Variants in CASKIN2 observed in about 807,000 individuals in gnomAD.
CASKIN2 encodes the protein CASK interacting protein 2, also known as caskin-2.
In CASKIN2, 41 loss-of-function variants were observed where a neutral mutation model predicts 107.1. The ratio of observed to expected loss-of-function variants is 0.38; its 90% CI spans 0.30 to 0.50. The LOEUF (loss-of-function observed/expected upper bound fraction) is 0.50. Among genes scored for constraint, CASKIN2 ranks in the 20% least tolerant of loss-of-function variants. CASKIN2 has a pLI of 0.92. For synonymous variants in CASKIN2, 724 were observed against 705.6 expected (o/e 1.03, Z -0.41); for missense variants, 1,546 against 1,657.4 (o/e 0.93, Z 1.17).
Position 75,502,871 on chromosome 17 carries a change from C to G in CASKIN2, c.2203G>C (p.Gly735Arg), listed in dbSNP as rs2053217669. 1 of 1,544,354 alleles carries G rather than the reference C, an allele frequency of 6.5e-7. No individual in the cohort carries two copies. Among genetic ancestry groups the G allele is most frequent in the East Asian group, 2.3e-5 (1 of 44,276 alleles). ...CAAAGCTTAGGGGGCCGCTCTGTGC[C>G]CTCTGGGAGGTTCCTCTCCTGGGGG... ...SPPQERNLPEGTERPPKLCSS... is the reference protein window; with the variant it reads ...SPPQERNLPERTERPPKLCSS... Residue 735 changes from glycine to arginine, a missense_variant, in exon 18 of 20, where the codon GGC becomes CGC. Gly to Arg is a moderately radical substitution (Grantham distance 125). This residue lies in a region of CASKIN2 where 1,311 missense variants were observed against 1,311.0 expected (regional missense o/e 1.00). Transcript: ENST00000321617. The surrounding 1 kb of genome is among the most constrained non-coding windows in gnomAD (Gnocchi z 4.3).
chr17:75,513,450 T>C (rs890528872), intron 2 of CASKIN2, among the ~76,000 whole-genome samples: 14 of 152,062 alleles, frequency 9.2e-5, no homozygotes, highest in African/African-American at 3.4e-4. Context: ...TCAATAACAA[T>C]GTGAATGAAC....
chr17:75,501,486 C>G lies in CASKIN2; in HGVS notation c.3500G>C (p.Gly1167Ala), dbSNP rs1444282603. The G allele has an allele frequency of 1.2e-6, 2 of 1,610,942 alleles. No individual in the cohort carries two copies. Among genetic ancestry groups the G allele is most frequent in the African/African-American group, 2.7e-5 (2 of 74,900 alleles). Residue 1167 changes from glycine to alanine, a missense_variant, in exon 19 of 20, where the codon GGC (glycine) becomes GCC (alanine). This residue lies in a region of CASKIN2 where 1,311 missense variants were observed against 1,311.0 expected (regional missense o/e 1.00). Transcript: ENST00000321617. ...CCCTCACCCCTCTTGCTCCTTGGTG[C>G]CAATGCTCTTCTCTGCGGCTCTCAG... ...AALRAAEKSI[G>A]TKEQEGTPSA...
In CASKIN2 at chr17:75,507,052, C is replaced by T. The variant is rs1249472242; in HGVS notation, c.322G>A (p.Val108Ile). ...VRLLLRASAA[V>I]NAASLDGQIP... ...TGTCCGTCCAGCGAGGCGGCATTGA[C>T]AGCCGCAGAGGCGCGCAGCAGCAGC... Residue 108 changes from valine (V) to isoleucine (I), a missense_variant, in exon 5 of 20, where the codon GTC becomes ATC. Physicochemically the swap from Val to Ile is conservative, Grantham distance 29. Coordinates refer to ENST00000321617, the MANE Select transcript of CASKIN2 (RefSeq NM_020753.5). The T allele has an allele frequency of 1.2e-6, 2 of 1,612,568 alleles. No homozygotes were observed. Among genetic ancestry groups the T allele is most frequent in the Non-Finnish European group, 1.7e-6 (2 of 1,179,906 alleles).
Position 75,501,844 on chromosome 17 carries a change from C to G in CASKIN2, c.3230G>C (p.Ser1077Thr). 1 of 1,559,046 alleles carries G rather than the reference C, an allele frequency of 6.4e-7. No homozygotes were observed. Among genetic ancestry groups the G allele is most frequent in the Non-Finnish European group, 8.7e-7 (1 of 1,154,660 alleles). ...PGPGLESSAA[S>T]RWNGETEPPA... is the part of the protein sequence containing the mutation. ...GGGTTCTGTCTCCCCATTCCACCGA[C>G]TAGCTGCTGAGCTTTCCAGACCTGG... Residue 1077 changes from serine (S) to threonine (T), a missense_variant, in exon 18 of 20, where the codon AGT becomes ACT. This residue lies in a region of CASKIN2 where 1,311 missense variants were observed against 1,311.0 expected (regional missense o/e 1.00). Coordinates refer to ENST00000321617, the MANE Select transcript of CASKIN2 (RefSeq NM_020753.5).
rs1200356052 is a variant in CASKIN2 at position 75,502,425 on chromosome 17, G to A, written c.2649C>T (p.Ser883=). The stretch of plus-strand genomic sequence containing the variant: ...TCTCATCTAGTGGAGGTGGCTCCGG[G>A]CTGGGGCCAGAGACGGAGCTGAGGC... ...PKRLSSVSGP[S]PEPPPLDESP... is the part of the protein sequence containing the mutation. The change falls in exon 18 of 20, where the codon AGC becomes AGT. Residue 883 remains serine, a synonymous_variant. Transcript: ENST00000321617. This position sits in a 1 kb window ranked among gnomAD's most constrained non-coding sequence, Gnocchi z 4.3. 1.4e-6 allele frequency: 2 copies of A among 1,456,918 alleles called. No homozygotes were observed. Among genetic ancestry groups the A allele is most frequent in the Non-Finnish European group, 1.8e-6 (2 of 1,102,458 alleles). 90.2% of individuals were successfully genotyped at this position (1,456,918 alleles called of 1,614,324 possible). A position where few individuals can be genotyped will look rare whatever the true frequency, so the allele number is the denominator to read the frequency against.
At chr17:75,507,913 G>A in intron 3 of CASKIN2, 2 of 582,938 alleles carry the variant, frequency 3.4e-6, no homozygotes, top group South Asian at 4.3e-5. Context: ...CTGGCCCAGG[G>A]GAGGGGGCCG....
Position 75,500,954 on chromosome 17 carries a change from G to T in CASKIN2, c.*126C>A. 2.3e-6 allele frequency: 2 copies of T among 878,636 alleles called. No individual in the cohort carries two copies. The highest frequency in any genetic ancestry group is 3.6e-6 in the Non-Finnish European group (2 of 562,602). 54.4% of individuals were successfully genotyped at this position (878,636 alleles called of 1,614,324 possible). Reference sequence around the variant, plus strand: ...ACAGCCGCGGGCTGAGTGGGAAGGGGCCCTGCTAGGAGGGGCACTTCAGCC... The same window carrying T: ...ACAGCCGCGGGCTGAGTGGGAAGGGTCCCTGCTAGGAGGGGCACTTCAGCC... On this transcript the variant is annotated 3_prime_UTR_variant, in exon 20 of 20. Coordinates refer to ENST00000321617, the MANE Select transcript of CASKIN2 (RefSeq NM_020753.5).
chr17:75,507,730 C>T (rs2053280492), intron 3 of CASKIN2, 49 bp from the exon 4 acceptor site: 1 of 1,427,668 alleles, frequency 7.0e-7, no homozygotes, highest in South Asian at 1.2e-5. Context: ...CAGCCCCCAC[C>T]CCCAAATCCT....
rs1291515719 is a variant in CASKIN2 at position 75,507,091 on chromosome 17, G to A, written c.283C>T (p.Leu95=). ...PLHYAAWQGR[L]EPVRLLLRAS... is the part of the protein sequence containing the mutation. Reference sequence around the variant, plus strand: ...CGCAGCAGCAGCCTCACAGGCTCCAGCCGGCCCTGCCAGGCTGCGTAGTGC... The same window carrying A: ...CGCAGCAGCAGCCTCACAGGCTCCAACCGGCCCTGCCAGGCTGCGTAGTGC... Residue 95 remains leucine, a synonymous_variant, in exon 5 of 20, where the codon CTG becomes TTG. Coordinates refer to ENST00000321617, the MANE Select transcript of CASKIN2 (RefSeq NM_020753.5). 3.1e-6 allele frequency: 5 copies of A among 1,611,138 alleles called. No homozygotes were observed. The highest frequency in any genetic ancestry group is 3.3e-5 in the Admixed American group (2 of 59,838).
chr17:75,507,967 G>A, intron 3 of CASKIN2: 2 of 584,682 alleles, frequency 3.4e-6, no homozygotes, highest in Non-Finnish European at 6.1e-6. Context: ...GGGAGAAAAG[G>A]GGGCCCCAAA....
chr17:75,507,437 C>T (rs554965494), intron 4 of CASKIN2, 147 bp downstream of exon 4: 39 of 651,676 alleles, frequency 6.0e-5, no homozygotes, highest in East Asian at 2.2e-4. Flanking sequence ...GAAGAGTAAA[C>T]GGGGAAAAGC....
Position 75,501,874 on chromosome 17 carries a change from G to A in CASKIN2, c.3200C>T (p.Pro1067Leu), listed in dbSNP as rs1157119272. ...TGCTGAGCTTTCCAGACCTGGCCCT[G>A]GGCAGGGCGGCACTGGAGGCTGCAT... ...PAMQPPVPPC[P>L]GPGLESSAAS... The change falls in exon 18 of 20, where the codon CCA becomes CTA. Residue 1067 changes from proline (P) to leucine (L), a missense_variant. Transcript: ENST00000321617. 1 of 1,563,950 alleles carries A rather than the reference G, an allele frequency of 6.4e-7. No homozygotes were observed. Among genetic ancestry groups the A allele is most frequent in the Non-Finnish European group, 8.7e-7 (1 of 1,155,814 alleles).
chr17:75,511,199 T>A (rs915325458), intron 2 of CASKIN2, among the ~76,000 whole-genome samples: 1 of 151,744 alleles, frequency 6.6e-6, no homozygotes, highest in Admixed American at 6.6e-5. Context: ...TAGCTGGGAC[T>A]ACAGGCACTT....
chr17:75,501,582 C>T lies in CASKIN2; in HGVS notation c.3404G>A (p.Ser1135Asn). Residue 1135 changes from serine to asparagine, a missense_variant, in exon 19 of 20, where the codon AGC becomes AAC. Physicochemically the swap from Ser to Asn is conservative, Grantham distance 46. Around this residue, in one of 6 missense-constraint regions of CASKIN2, gnomAD observed 1,311 missense variants for 1,311.0 expected, o/e 1.00. Transcript: ENST00000321617. ...CTGGCCTGGGCCCACAGTCCCAGTGCTCTCAGGCCGTGGAGGAGGCACTGG... is the reference window on the plus strand; with the variant it reads ...CTGGCCTGGGCCCACAGTCCCAGTGTTCTCAGGCCGTGGAGGAGGCACTGG... ...PRPVPPPRPESTGTVGPGQAQ... is the reference protein window; with the variant it reads ...PRPVPPPRPENTGTVGPGQAQ... The T allele has an allele frequency of 6.2e-7, 1 of 1,609,652 alleles. No individual in the cohort carries two copies. The highest frequency in any genetic ancestry group is 2.2e-5 in the East Asian group (1 of 44,766).
intron 2 of CASKIN2, among the ~76,000 whole-genome samples, chr17:75,510,839 G>A (rs535441991): frequency 2.0e-5 from 3 of 151,942 alleles, no homozygotes; most frequent in Admixed American, 1.3e-4. Flanking sequence ...AGGAGTCCTG[G>A]GGGACTCCTT....
In CASKIN2 at chr17:75,505,754, C is replaced by T. The variant is rs2053258287; in HGVS notation, c.835+67G>A. On this transcript the variant is annotated intron_variant, in intron 9 of 19. Transcript: ENST00000321617. The surrounding 1 kb of genome is among the most constrained non-coding windows in gnomAD (Gnocchi z 5.1). ...CCTCCCCCAGGGACGTCCACTCCCCCTCCACATCCTGGTACCACTTGAGCG... is the reference window on the plus strand; with the variant it reads ...CCTCCCCCAGGGACGTCCACTCCCCTTCCACATCCTGGTACCACTTGAGCG... 1 of 1,573,090 alleles carries T rather than the reference C, an allele frequency of 6.4e-7. No homozygotes were observed. The highest frequency in any genetic ancestry group is 8.7e-7 in the Non-Finnish European group (1 of 1,148,422).
chr17:75,503,389 C>G lies in CASKIN2; in HGVS notation c.1819G>C (p.Gly607Arg). ...AGCCAGGCCTCAGGACAGTCCTTAC[C>G]GAGCTTGTTGACCCCAATCTCCTGC... ...ELQEIGVNKL[G>R]HQKKLMLGVK... is the part of the protein sequence containing the mutation. The change falls in exon 17 of 20, where the codon GGG becomes CGG. Residue 607 changes from glycine (G) to arginine (R), a missense_variant and splice_region_variant. Coordinates refer to ENST00000321617, the MANE Select transcript of CASKIN2 (RefSeq NM_020753.5). The G allele has an allele frequency of 6.2e-7, 1 of 1,611,752 alleles. No homozygotes were observed. Among genetic ancestry groups the G allele is most frequent in the South Asian group, 1.1e-5 (1 of 90,950 alleles).
chr17:75,515,136 T>C (rs1009930211), intron 1 of CASKIN2: 8 of 152,242 alleles, frequency 5.3e-5, no homozygotes, highest in Admixed American at 3.9e-4. Context: ...GGGGTCGGGC[T>C]GGCTCCCCCG....
In CASKIN2 at chr17:75,503,214, C is replaced by T. The variant is rs200000806; in HGVS notation, c.1860G>A (p.Ala620=). Reference sequence around the variant, plus strand: ...CCTGCAGCAGGCCCCGCCGAAGCTCCGCCAGCCGCTTCACCCCCAGCATGA... The same window carrying T: ...CCTGCAGCAGGCCCCGCCGAAGCTCTGCCAGCCGCTTCACCCCCAGCATGA... The part of the protein sequence containing the change: ...KKLMLGVKRL[A]ELRRGLLQGE... Residue 620 remains alanine, a synonymous_variant, in exon 18 of 20, where the codon GCG becomes GCA. Transcript: ENST00000321617. 1.7e-4 allele frequency: 277 copies of T among 1,594,920 alleles called. No individual in the cohort carries two copies. The highest frequency in any genetic ancestry group is 4.1e-4 in the Admixed American group (24 of 58,634).
Sources: gnomAD v4.1 joint callset for allele counts (sites outside exome capture counted in the v4.1 genomes callset) on GRCh38, gnomAD v4.1.1 for gene constraint, gnomAD v4.1.1 regional missense constraint, Gnocchi (gnomAD v3.1) non-coding constraint, MANE v1.5 for transcripts, NCBI Gene and HGNC (gene_info 2026-07-23, HGNC 2026-07-21) for gene names.